RIN2: variants seen among roughly 807,000 people sequenced by gnomAD.
RIN2 encodes Ras and Rab interactor 2.
A neutral mutation model predicts 78.0 loss-of-function variants in RIN2; 36 were observed. That is an observed-to-expected ratio of 0.46 (90% CI 0.35 to 0.61). The LOEUF (loss-of-function observed/expected upper bound fraction) is 0.61, where lower values mean the gene tolerates loss of function less well. RIN2 is among the 20% of genes least tolerant of loss of function. The pLI is 0.00. For synonymous variants in RIN2, 466 were observed against 466.8 expected (o/e 1.00, Z 0.02); for missense variants, 1,087 against 1,159.7 (o/e 0.94, Z 0.91).
At chr20:19,934,042 TC>T (rs1287367193) in intron 3 of RIN2, among the ~76,000 whole-genome samples, 1 of 152,086 alleles carries the variant, frequency 6.6e-6, no homozygotes, top group Admixed American at 6.5e-5. Context: ...ACTCCTGACC[TC>T]AAGTGATCTG....
chr20:19,943,366 G>A (rs1261300063), intron 4 of RIN2, among the ~76,000 whole-genome samples: 1 of 152,082 alleles, frequency 6.6e-6, no homozygotes, highest in Non-Finnish European at 1.5e-5. Context: ...CCATTTCTGT[G>A]TCCTCTTCTG....
rs1039514133 is a variant in RIN2 at position 19,936,991 on chromosome 20, G to A, written c.158+1792G>A. On this transcript the variant is annotated intron_variant, in intron 4 of 12. Transcript: ENST00000255006. The stretch of plus-strand genomic sequence containing the variant: ...ACTACTGTTCTAAGTCGCTTATAGC[G>A]ACTAACTTACGGAATCTTCCTAGCA... Among the ~76,000 whole-genome samples, 15 of 152,282 alleles carry A rather than the reference G, an allele frequency of 9.9e-5. 1 individual carries two copies. Among genetic ancestry groups the A allele is most frequent in the Admixed American group, 3.3e-4 (5 of 15,298 alleles).
chr20:19,933,370 C>T (rs1276958330), intron 3 of RIN2, among the ~76,000 whole-genome samples: 1 of 152,176 alleles, frequency 6.6e-6, no homozygotes, highest in Non-Finnish European at 1.5e-5. Context: ...TTCCTTTGAT[C>T]TTTTCATGGC....
chr20:19,956,273 A>AAAAAG (rs1390744714), intron 4 of RIN2, among the ~76,000 whole-genome samples: 3 of 151,264 alleles, frequency 2.0e-5, no homozygotes, highest in African/African-American at 4.9e-5. Context: ...AAAAAAAAAA[A>AAAAAG]AAAAGAAAAG....
In RIN2 at chr20:19,974,919, G is replaced by T. The variant is rs372917092; in HGVS notation, c.894G>T (p.Ala298=). Residue 298 remains alanine, a synonymous_variant, in exon 9 of 13, where the codon GCG becomes GCT. Coordinates refer to ENST00000255006, the MANE Select transcript of RIN2 (RefSeq NM_018993.4). ...LKRPSTRTPN[A]NGTERTRSPP... ...GGCCGAGCACAAGGACTCCCAACGC[G>T]AATGGCACGGAGCGGACTCGGTCCC... 1 of 1,613,780 alleles carries T rather than the reference G, an allele frequency of 6.2e-7. No individual in the cohort carries two copies. The highest frequency in any genetic ancestry group is 8.5e-7 in the Non-Finnish European group (1 of 1,179,766).
chr20:19,801,974 G>T (rs550455114), intron 2 of RIN2, among the ~76,000 whole-genome samples: 14 of 152,242 alleles, frequency 9.2e-5, no homozygotes, highest in African/African-American at 3.4e-4. Context: ...TCAATAAAAT[G>T]CAGTTGTAAA....
intron 3 of RIN2, among the ~76,000 whole-genome samples, chr20:19,903,481 ATT>A (rs2039079218): frequency 6.6e-6 from 1 of 152,088 alleles, no homozygotes; most frequent in African/African-American, 2.4e-5. Flanking sequence ...CTACTTCCAG[ATT>A]CTAGGCTTGT....
intron 2 of RIN2, among the ~76,000 whole-genome samples, chr20:19,833,615 C>A (rs1333757686): frequency 2.0e-5 from 3 of 152,240 alleles, no homozygotes; most frequent in African/African-American, 7.2e-5. Context: ...TATGGTCTTA[C>A]ATGCACAAGG....
chr20:19,833,361 C>T (rs2036308979), intron 2 of RIN2, among the ~76,000 whole-genome samples: 1 of 151,870 alleles, frequency 6.6e-6, no homozygotes, highest in Admixed American at 6.6e-5. Flanking sequence ...TATACGTGTG[C>T]CATGGTGGTT....
chr20:19,928,299 C>A (rs2040306835), intron 3 of RIN2, among the ~76,000 whole-genome samples: 1 of 152,176 alleles, frequency 6.6e-6, no homozygotes, highest in Non-Finnish European at 1.5e-5. Flanking sequence ...GATGAGGGCA[C>A]CCAAATGGGT....
intron 1 of RIN2, among the ~76,000 whole-genome samples, chr20:19,765,619 G>A (rs952484008): frequency 8.5e-5 from 13 of 152,214 alleles, no homozygotes; most frequent in African/African-American, 3.1e-4. Flanking sequence ...AGACATACTT[G>A]TGTTGAGTTT....
At chr20:19,831,816 A>G (rs2036259389) in intron 2 of RIN2, among the ~76,000 whole-genome samples, 1 of 152,232 alleles carries the variant, frequency 6.6e-6, no homozygotes, top group Non-Finnish European at 1.5e-5. Flanking sequence ...ATGGAAAGTT[A>G]AATAGTAATA....
chr20:19,947,253 C>T (rs551308822), intron 4 of RIN2, among the ~76,000 whole-genome samples: 22 of 152,050 alleles, frequency 1.4e-4, no homozygotes, highest in Non-Finnish European at 2.6e-4. Context: ...GTAGCCCCAG[C>T]TACTCAGGAA....
intron 2 of RIN2, among the ~76,000 whole-genome samples, chr20:19,849,847 A>G (rs950802853): frequency 6.6e-6 from 1 of 152,212 alleles, no homozygotes; most frequent in Non-Finnish European, 1.5e-5. Flanking sequence ...TAATGCCTCA[A>G]AACAGCAGCC....
intron 2 of RIN2, among the ~76,000 whole-genome samples, chr20:19,854,058 A>G (rs1241890934): frequency 9.2e-5 from 14 of 152,274 alleles, no homozygotes; most frequent in African/African-American, 3.1e-4. Flanking sequence ...ATTTTTGTAT[A>G]AGGTGTAAGG....
At chr20:19,986,600 A>C (rs1053425798) in intron 9 of RIN2, among the ~76,000 whole-genome samples, 49 of 152,272 alleles carry the variant, frequency 3.2e-4, no homozygotes, top group East Asian at 9.7e-4. Flanking sequence ...GAGTTGCTCA[A>C]GGGAGCCTGT....
At chr20:19,876,521 C>G (rs2123405038) in intron 2 of RIN2, among the ~76,000 whole-genome samples, 1 of 152,280 alleles carries the variant, frequency 6.6e-6, no homozygotes. Context: ...GTAGGGAGGG[C>G]TCATGTAGAG....
intron 3 of RIN2, among the ~76,000 whole-genome samples, chr20:19,893,313 A>T (rs1432022561): frequency 6.6e-6 from 1 of 152,200 alleles, no homozygotes; most frequent in African/African-American, 2.4e-5. Context: ...ATGCTTTCAT[A>T]AAGCGTGAGG....
At chr20:19,943,260 G>A (rs2146170594) in intron 4 of RIN2, among the ~76,000 whole-genome samples, 1 of 152,232 alleles carries the variant, frequency 6.6e-6, no homozygotes, top group East Asian at 1.9e-4. Flanking sequence ...TAGCTGGAGA[G>A]TCAACCAGAG....
Sources: allele counts gnomAD v4.1 joint callset (sites outside exome capture counted in the v4.1 genomes callset), GRCh38; gene constraint gnomAD v4.1.1; transcripts MANE v1.5; gene names NCBI Gene and HGNC (gene_info 2026-07-23, HGNC 2026-07-21).